Variants in RALYL observed in about 807,000 individuals in gnomAD.
RALYL encodes the protein RALY RNA binding protein like.
Under a neutral mutation model 35.1 loss-of-function variants are expected in RALYL, and 29 were observed. The ratio of observed to expected loss-of-function variants is 0.83; its 90% CI spans 0.61 to 1.13. RALYL has a LOEUF of 1.13. Ranked by LOEUF, RALYL falls within the 50% of genes most tolerant of loss-of-function variation. The pLI, the probability that RALYL is intolerant of heterozygous loss-of-function variation, is 0.00. For synonymous variants in RALYL, 120 were observed against 127.6 expected (o/e 0.94, Z 0.40); for missense variants, 359 against 360.4 (o/e 1.00, Z 0.03).
chr8:84,288,871 C>A (rs1188677216), intron 1 of RALYL, among the ~76,000 whole-genome samples: 1 of 151,982 alleles, frequency 6.6e-6, no homozygotes, highest in Non-Finnish European at 1.5e-5. Flanking sequence ...ATAATATATA[C>A]CGTTTTATGC....
intron 1 of RALYL, among the ~76,000 whole-genome samples, chr8:84,469,136 C>A (rs553457645): frequency 6.6e-6 from 1 of 152,314 alleles, no homozygotes; most frequent in Admixed American, 6.5e-5. Context: ...AAGCCTTCTT[C>A]TCTCAGCTCG....
chr8:84,709,458 A>G (rs964899776), intron 2 of RALYL, among the ~76,000 whole-genome samples: 1 of 152,106 alleles, frequency 6.6e-6, no homozygotes, highest in Non-Finnish European at 1.5e-5. Flanking sequence ...ATATACATAC[A>G]TATATGCTTT....
At chr8:84,841,989 G>C (rs1032670871) in intron 4 of RALYL, among the ~76,000 whole-genome samples, 8 of 152,166 alleles carry the variant, frequency 5.3e-5, no homozygotes, top group African/African-American at 1.9e-4. Flanking sequence ...GAAATTCATA[G>C]CACTAAATGC....
At chr8:84,502,926 G>A (rs374868931) in intron 1 of RALYL, among the ~76,000 whole-genome samples, 9 of 149,242 alleles carry the variant, frequency 6.0e-5, no homozygotes, top group African/African-American at 2.0e-4. Context: ...AAAAAAAAAA[G>A]GAAAAATAAT....
chr8:84,497,298 T>TC (rs1424536053), intron 1 of RALYL, among the ~76,000 whole-genome samples: 1 of 152,144 alleles, frequency 6.6e-6, no homozygotes, highest in African/African-American at 2.4e-5. Flanking sequence ...TTCACTCAGG[T>TC]CCATAAAACT....
rs548702507 is a variant in RALYL, at chr8:84,631,365, G to A, written c.256+101788G>A. Among the ~76,000 whole-genome samples, 8 of 151,990 alleles carry A rather than the reference G, an allele frequency of 5.3e-5. No individual in the cohort carries two copies. The East Asian group carries it at 1.2e-3, about 22-fold the overall frequency. On this transcript the variant is annotated intron_variant, in intron 2 of 8. Coordinates refer to ENST00000521268, the MANE Select transcript of RALYL (RefSeq NM_173848.7). Reference sequence around the variant, plus strand: ...TGAGTTCTGACTTGATCTTTTAAAAGCCTTTTAGTGTTTGGAAATTGAAGA... The same window carrying A: ...TGAGTTCTGACTTGATCTTTTAAAAACCTTTTAGTGTTTGGAAATTGAAGA...
At chr8:84,719,962 C>A (rs988846014) in intron 2 of RALYL, among the ~76,000 whole-genome samples, 1 of 152,110 alleles carries the variant, frequency 6.6e-6, no homozygotes, top group South Asian at 2.1e-4. Flanking sequence ...CAATTCTACT[C>A]TCTACTTCAA....
At chr8:84,839,431 G>A (rs1030046300) in intron 4 of RALYL, among the ~76,000 whole-genome samples, 6 of 152,346 alleles carry the variant, frequency 3.9e-5, no homozygotes, top group Non-Finnish European at 4.4e-5. Context: ...AGGGATGCCC[G>A]CCATTGCCCA....
intron 2 of RALYL, among the ~76,000 whole-genome samples, chr8:84,555,337 G>C (rs1028309303): frequency 1.3e-5 from 2 of 152,002 alleles, no homozygotes; most frequent in Non-Finnish European, 2.9e-5. Flanking sequence ...ATGATTACTT[G>C]TTTAACACTT....
At chr8:84,217,644 A>G (rs933928252) in intron 1 of RALYL, among the ~76,000 whole-genome samples, 8 of 152,102 alleles carry the variant, frequency 5.3e-5, no homozygotes, top group Non-Finnish European at 7.4e-5. Flanking sequence ...CTTGTGGGAC[A>G]TGGTCCATAT....
At chr8:84,320,657 A>G (rs2130370299) in intron 1 of RALYL, among the ~76,000 whole-genome samples, 1 of 152,232 alleles carries the variant, frequency 6.6e-6, no homozygotes, top group Admixed American at 6.5e-5. Context: ...ATGGTTACTT[A>G]ATATCTGTTA....
At chr8:84,411,249 C>G (rs1030745127) in intron 1 of RALYL, among the ~76,000 whole-genome samples, 1 of 151,908 alleles carries the variant, frequency 6.6e-6, no homozygotes, top group African/African-American at 2.4e-5. Context: ...CAGAACATCA[C>G]TGGACAAAAT....
intron 1 of RALYL, among the ~76,000 whole-genome samples, chr8:84,376,332 CAG>C (rs967244771): frequency 6.6e-6 from 1 of 151,802 alleles, no homozygotes; most frequent in African/African-American, 2.4e-5. Flanking sequence ...CCAGGTATGT[CAG>C]AAATATTTCA....
At chr8:84,737,108 A>C (rs1847456396) in intron 2 of RALYL, among the ~76,000 whole-genome samples, 1 of 152,076 alleles carries the variant, frequency 6.6e-6, no homozygotes, top group Non-Finnish European at 1.5e-5. Flanking sequence ...GAGCTCAAAG[A>C]AGTAATAGTG....
chr8:84,220,235 T>C (rs1181213276), intron 1 of RALYL, among the ~76,000 whole-genome samples: 1 of 152,112 alleles, frequency 6.6e-6, no homozygotes. Flanking sequence ...TCTTAAGTTC[T>C]TTAAGACTAC....
chr8:84,872,403 C>A (rs1356691283), intron 6 of RALYL: 1 of 152,066 alleles, frequency 6.6e-6, no homozygotes, highest in African/African-American at 2.4e-5. Flanking sequence ...AAGGACAGTG[C>A]AGTAAATTTT....
chr8:84,822,393 C>T (rs368750101), intron 4 of RALYL, among the ~76,000 whole-genome samples: 2 of 152,230 alleles, frequency 1.3e-5, no homozygotes, highest in South Asian at 2.1e-4. Context: ...GCCAGGTTTT[C>T]GTTTGAAGCT....
At chr8:84,248,718 G>A (rs1215121900) in intron 1 of RALYL, among the ~76,000 whole-genome samples, 1 of 152,028 alleles carries the variant, frequency 6.6e-6, no homozygotes, top group Non-Finnish European at 1.5e-5. Flanking sequence ...CATATTGAAT[G>A]TTGGCATGAA....
At chr8:84,745,868 C>T (rs1808486166) in intron 2 of RALYL, among the ~76,000 whole-genome samples, 2 of 152,082 alleles carry the variant, frequency 1.3e-5, no homozygotes, top group Middle Eastern at 3.4e-3. Context: ...GCCTGGACTT[C>T]TCTTACATAT....
Sources: allele counts gnomAD v4.1 joint callset (sites outside exome capture counted in the v4.1 genomes callset), GRCh38; gene constraint gnomAD v4.1.1; transcripts MANE v1.5; gene names NCBI Gene and HGNC (gene_info 2026-07-23, HGNC 2026-07-21).